Variants in FIGN observed in about 807,000 individuals in gnomAD.
FIGN encodes the protein fidgetin.
In FIGN, 11 loss-of-function variants were observed where a neutral mutation model predicts 51.3. That is an observed-to-expected ratio of 0.21 (90% CI 0.13 to 0.35). The LOEUF is 0.35. Among genes scored for constraint, FIGN ranks in the 10% least tolerant of loss-of-function variants. The pLI is 1.00. For synonymous variants in FIGN, 407 were observed against 363.2 expected, an observed-to-expected ratio of 1.12 and a Z score of -1.37; for missense variants, 857 against 943.6, an observed-to-expected ratio of 0.91 and a Z score of 1.20.
At chr2:163,702,804 C>G (rs1684429923) in intron 2 of FIGN, among the ~76,000 whole-genome samples, 1 of 152,186 alleles carries the variant, frequency 6.6e-6, no homozygotes, top group South Asian at 2.1e-4. Context: ...CCGAATAGTA[C>G]TGTTTCATTG....
intron 2 of FIGN, among the ~76,000 whole-genome samples, chr2:163,655,061 T>G (rs576209626): frequency 6.6e-6 from 1 of 152,288 alleles, no homozygotes; most frequent in South Asian, 2.1e-4. Context: ...TGTGTTGGTG[T>G]GTGTGCATGC....
At chr2:163,725,556 C>T (rs1531361) in intron 2 of FIGN, among the ~76,000 whole-genome samples, 151,815 of 152,138 alleles carry the variant, frequency 1, 75,755 homozygotes, top group Middle Eastern at 1. Context: ...CAAGGAACTA[C>T]CATTACATGG....
At chr2:163,686,470 G>T (rs1352134907) in intron 2 of FIGN, among the ~76,000 whole-genome samples, 4 of 152,106 alleles carry the variant, frequency 2.6e-5, no homozygotes, top group African/African-American at 9.7e-5. Flanking sequence ...GATGAGCAGT[G>T]CAACAACATA....
In FIGN at chr2:163,660,738, CAT is replaced by C. The variant is rs1219414833; in HGVS notation, c.26-48934_26-48933del. ...ATACATATATATGTATACACATATA[CAT>C]ATATATGTATACACATATACATATA... On this transcript the variant is annotated intron_variant, in intron 2 of 2. Coordinates refer to ENST00000333129, the MANE Select transcript of FIGN (RefSeq NM_018086.4). Among the ~76,000 whole-genome samples the C allele has an allele frequency of 3.0e-5, 3 of 100,712 alleles. 1 individual carries two copies. The highest frequency in any genetic ancestry group is 3.9e-5 in the African/African-American group (1 of 25,554). The allele number at this position is 100,712 out of a possible 152,430, so 66.1% of individuals were successfully genotyped here. A position where few individuals can be genotyped will look rare whatever the true frequency, so the allele number is the denominator to read the frequency against.
chr2:163,650,518 T>G (rs1174700847), intron 2 of FIGN, among the ~76,000 whole-genome samples: 1 of 152,124 alleles, frequency 6.6e-6, no homozygotes, highest in Non-Finnish European at 1.5e-5. Context: ...CATTAGGTAT[T>G]TCTCCTAATG....
chr2:163,689,023 G>T (rs1048253938), intron 2 of FIGN, among the ~76,000 whole-genome samples: 5 of 151,930 alleles, frequency 3.3e-5, no homozygotes, highest in African/African-American at 1.2e-4. Context: ...TAGCAGGTGT[G>T]GTGGCACACA....
chr2:163,689,382 T>C (rs1684204119), intron 2 of FIGN, among the ~76,000 whole-genome samples: 2 of 152,192 alleles, frequency 1.3e-5, no homozygotes, highest in East Asian at 3.9e-4. Context: ...TCTTGATCCA[T>C]ATGTGGTTTA....
chr2:163,625,725 T>C (rs1450010086), intron 2 of FIGN, among the ~76,000 whole-genome samples: 2 of 152,032 alleles, frequency 1.3e-5, no homozygotes, highest in African/African-American at 4.8e-5. Context: ...AATTGAACAT[T>C]TTTATTGTTT....
chr2:163,704,654 TCTCA>T lies in FIGN; in HGVS notation c.25+30245_25+30248del, dbSNP rs1289553337. Among the ~76,000 whole-genome samples, 334 of 132,004 alleles carry T rather than the reference TCTCA, an allele frequency of 2.5e-3. 2 individuals carry two copies. Among genetic ancestry groups the T allele is most frequent in the African/African-American group, 5.6e-3 (182 of 32,522 alleles). 86.6% of individuals were successfully genotyped at this position (132,004 alleles called of 152,430 possible). ...CTCTCTCTCTCTCTCTCTCTCTCTC[TCTCA>T]CACACACACACACACACACACACAC... On this transcript the variant is annotated intron_variant, in intron 2 of 2. Transcript: ENST00000333129.
chr2:163,637,237 C>A (rs1683240543), intron 2 of FIGN, among the ~76,000 whole-genome samples: 1 of 152,144 alleles, frequency 6.6e-6, no homozygotes, highest in Admixed American at 6.5e-5. Context: ...TCAAAACTAG[C>A]AATTGTTAAA....
At chr2:163,640,091 G>A (rs1683285345) in intron 2 of FIGN, among the ~76,000 whole-genome samples, 1 of 152,058 alleles carries the variant, frequency 6.6e-6, no homozygotes, top group African/African-American at 2.4e-5. Context: ...CCTGCAAGAA[G>A]TATCATATTA....
At chr2:163,622,364 A>C (rs752428812) in intron 2 of FIGN, among the ~76,000 whole-genome samples, 1 of 151,918 alleles carries the variant, frequency 6.6e-6, no homozygotes, top group African/African-American at 2.4e-5. Context: ...AGTTGCTCCC[A>C]ATATTGTTTT....
rs767299659 is a variant in FIGN, at chr2:163,610,299, C to A, written c.1533G>T (p.Ala511=). 1.9e-6 allele frequency: 3 copies of A among 1,614,022 alleles called. No individual in the cohort carries two copies. Among genetic ancestry groups the A allele is most frequent in the African/African-American group, 2.7e-5 (2 of 74,912 alleles). Residue 511 remains alanine (A), a synonymous_variant, in exon 3 of 3, where the codon GCG becomes GCT. Transcript: ENST00000333129. ...GAGGTAAGGCCGTCAGTCCACTGAACGCGTCTGACCTCAACACTGGCCATA... is the reference window on the plus strand; with the variant it reads ...GAGGTAAGGCCGTCAGTCCACTGAAAGCGTCTGACCTCAACACTGGCCATA... The part of the protein sequence containing the change: ...EVLWPVLRSD[A]FSGLTALPRS...
chr2:163,690,640 T>C (rs1381589957), intron 2 of FIGN, among the ~76,000 whole-genome samples: 1 of 152,084 alleles, frequency 6.6e-6, no homozygotes, highest in Non-Finnish European at 1.5e-5. Context: ...ACAGGATATA[T>C]GTAAATATTA....
intron 2 of FIGN, among the ~76,000 whole-genome samples, chr2:163,688,728 G>T (rs1684193313): frequency 6.6e-6 from 1 of 152,092 alleles, no homozygotes; most frequent in South Asian, 2.1e-4. Context: ...GCAAGAGGGA[G>T]AACCTAAAGC....
At chr2:163,629,080 G>A (rs1287314282) in intron 2 of FIGN, among the ~76,000 whole-genome samples, 1 of 152,150 alleles carries the variant, frequency 6.6e-6, no homozygotes, top group Non-Finnish European at 1.5e-5. Context: ...AAGCATATGG[G>A]AATCCACTGA....
At chr2:163,653,056 A>G (rs1322285597) in intron 2 of FIGN, among the ~76,000 whole-genome samples, 1 of 152,126 alleles carries the variant, frequency 6.6e-6, no homozygotes, top group African/African-American at 2.4e-5. Flanking sequence ...TAGCCCTACT[A>G]CTTACTAATC....
At chr2:163,647,153 ATTAGT>A (rs1474104177) in intron 2 of FIGN, among the ~76,000 whole-genome samples, 1 of 152,226 alleles carries the variant, frequency 6.6e-6, no homozygotes, top group East Asian at 1.9e-4. Context: ...TACCAAAGAG[ATTAGT>A]TAGAGAAGGC....
intron 2 of FIGN, among the ~76,000 whole-genome samples, chr2:163,722,839 TC>T (rs1300931589): frequency 6.6e-6 from 1 of 151,980 alleles, no homozygotes; most frequent in East Asian, 1.9e-4. Context: ...TTTTCATAGA[TC>T]CATTCTTTAA....
Sources: allele counts gnomAD v4.1 joint callset (sites outside exome capture counted in the v4.1 genomes callset), GRCh38; gene constraint gnomAD v4.1.1; transcripts MANE v1.5; gene names NCBI Gene and HGNC (gene_info 2026-07-23, HGNC 2026-07-21).